Variants in IL7 observed in about 807,000 individuals in gnomAD.
IL7 encodes interleukin-7.
In IL7, 3 loss-of-function variants were observed where a neutral mutation model predicts 21.6. The observed-to-expected ratio is 0.14, with a 90% CI of 0.06 to 0.36. The LOEUF is 0.36. Ranked by LOEUF, IL7 falls within the 10% of genes least tolerant of loss-of-function variation. The pLI, the probability that IL7 is intolerant of heterozygous loss-of-function variation, is 1.00. For missense variants in IL7, 175 were observed against 200.2 expected (o/e 0.87, Z 0.76); for synonymous variants, 62 against 68.1 (o/e 0.91, Z 0.44).
chr8:78,756,118 G>A (rs1419206212), intron 2 of IL7, among the ~76,000 whole-genome samples: 1 of 151,948 alleles, frequency 6.6e-6, no homozygotes, highest in Non-Finnish European at 1.5e-5. Context: ...CTCTTTTGAA[G>A]TGATGTATCA....
intron 3 of IL7, among the ~76,000 whole-genome samples, chr8:78,703,970 C>T (rs1022110007): frequency 4.6e-5 from 7 of 152,180 alleles, no homozygotes; most frequent in African/African-American, 9.7e-5. Flanking sequence ...TCTTGTAAGG[C>T]AGGTCTGGTG....
chr8:78,804,999 C>G lies in IL7; in HGVS notation c.-77G>C. The G allele has an allele frequency of 6.6e-7, 1 of 1,522,038 alleles. No individual in the cohort carries two copies. The highest frequency in any genetic ancestry group is 9.0e-7 in the Non-Finnish European group (1 of 1,114,360). 94.3% of individuals were successfully genotyped at this position (1,522,038 alleles called of 1,614,324 possible). A position where few individuals can be genotyped will look rare whatever the true frequency, so the allele number is the denominator to read the frequency against. On this transcript the variant is annotated 5_prime_UTR_variant, in exon 1 of 6. Transcript: ENST00000263851. ...AGCTCTCACCGCCCATAGTCACTCC[C>G]AGGACCCTGGTCTTCCGCGGAGTTG... is the stretch of plus-strand genomic sequence containing the variant.
At chr8:78,701,278 A>C (rs1442851799) in intron 3 of IL7, among the ~76,000 whole-genome samples, 4 of 151,986 alleles carry the variant, frequency 2.6e-5, no homozygotes, top group South Asian at 4.2e-4. Context: ...TTTGTTCCTG[A>C]TTTGGCTCTC....
chr8:78,762,381 G>C lies in IL7; in HGVS notation c.148-22299C>G, dbSNP rs568416077. On this transcript the variant is annotated intron_variant, in intron 2 of 5. Coordinates refer to ENST00000263851, the MANE Select transcript of IL7 (RefSeq NM_000880.4). The stretch of plus-strand genomic sequence containing the variant: ...AAGCTGAAGAAGGCCAAGTCAAGTC[G>C]GACTGCGTGCTCTTCCGCGTGCAGT... The C allele has an allele frequency of 2.4e-5, 38 of 1,612,292 alleles. No individual in the cohort carries two copies. In the East Asian group the frequency reaches 7.4e-4, roughly 31 times the overall value.
At chr8:78,799,873 A>T (rs1008491580) in intron 1 of IL7, among the ~76,000 whole-genome samples, 2 of 152,140 alleles carry the variant, frequency 1.3e-5, no homozygotes, top group Non-Finnish European at 2.9e-5. Context: ...AAAGATCCTC[A>T]GTGATCAATT....
At chr8:78,686,409 A>G (rs567013940) in intron 3 of IL7, 6 of 1,235,556 alleles carry the variant, frequency 4.9e-6, no homozygotes, top group East Asian at 5.9e-5. Context: ...TTTTATTTCA[A>G]TATACTAAAA....
downstream of IL7, among the ~76,000 whole-genome samples, chr8:78,716,588 C>G (rs937797786): frequency 6.6e-6 from 1 of 152,054 alleles, no homozygotes; most frequent in Non-Finnish European, 1.5e-5. Context: ...GACTTGAAAC[C>G]TAAGGATCTC....
chr8:78,716,032 T>TC (rs1172954082), downstream of IL7, among the ~76,000 whole-genome samples: 4 of 128,120 alleles, frequency 3.1e-5, 1 homozygote, highest in East Asian at 9.4e-4. Flanking sequence ...AGAGCGAGAC[T>TC]CCATCTCAAA....
chr8:78,689,268 A>G, intron 3 of IL7: 1 of 1,593,010 alleles, frequency 6.3e-7, no homozygotes, highest in Non-Finnish European at 8.5e-7. Context: ...ATGAAAATGC[A>G]GCTGATAGAC....
At chr8:78,759,956 A>G (rs1812492301) in intron 2 of IL7, among the ~76,000 whole-genome samples, 1 of 152,192 alleles carries the variant, frequency 6.6e-6, no homozygotes, top group Non-Finnish European at 1.5e-5. Context: ...CTCTTCTGGA[A>G]GAACAGGTAG....
intron 1 of IL7, among the ~76,000 whole-genome samples, chr8:78,802,494 G>A (rs924814533): frequency 1.3e-5 from 2 of 150,734 alleles, no homozygotes; most frequent in Admixed American, 6.6e-5. Context: ...GCAATGGTGC[G>A]ATCACGGCTC....
At chr8:78,717,381 A>G (rs1811140782), downstream of IL7, 1 of 1,613,782 alleles carries the variant, frequency 6.2e-7, no homozygotes, top group African/African-American at 1.3e-5. Context: ...AAAGGCATTG[A>G]AGGACATTCA....
chr8:78,678,610 G>C, intron 4 of IL7: 2 of 1,612,436 alleles, frequency 1.2e-6, no homozygotes, highest in Non-Finnish European at 1.7e-6. Flanking sequence ...AAAAACGGAA[G>C]ACTTTTGATT....
Position 78,739,995 on chromosome 8 carries a change from T to C in IL7, c.228+7A>G. 1 of 1,519,378 alleles carries C rather than the reference T, an allele frequency of 6.6e-7. No individual in the cohort carries two copies. Among genetic ancestry groups the C allele is most frequent in the Non-Finnish European group, 8.8e-7 (1 of 1,142,338 alleles). 94.1% of individuals were successfully genotyped at this position (1,519,378 alleles called of 1,614,324 possible). A position where few individuals can be genotyped will look rare whatever the true frequency, so the allele number is the denominator to read the frequency against. On this transcript the variant is annotated splice_region_variant and intron_variant, in intron 3 of 5. Coordinates refer to ENST00000263851, the MANE Select transcript of IL7 (RefSeq NM_000880.4). ...TTGAATGACAAACTCCAAATAATTA[T>C]CATTACCTTATTAGCATCACAGATA...
intron 2 of IL7, among the ~76,000 whole-genome samples, chr8:78,789,030 A>G (rs550730889): frequency 6.6e-6 from 1 of 152,272 alleles, no homozygotes; most frequent in African/African-American, 2.4e-5. Context: ...ACTGAAATGA[A>G]TATAGCTACT....
chr8:78,769,845 C>A (rs779711499), intron 2 of IL7, among the ~76,000 whole-genome samples: 2 of 152,048 alleles, frequency 1.3e-5, no homozygotes. Flanking sequence ...AGATATAGAC[C>A]AATGGAACAG....
chr8:78,791,419 C>T (rs1813690560), intron 2 of IL7, among the ~76,000 whole-genome samples: 1 of 152,140 alleles, frequency 6.6e-6, no homozygotes, highest in South Asian at 2.1e-4. Flanking sequence ...GCAGGCAGAT[C>T]ACTTGAGGTC....
At chr8:78,686,650 AAAT>A (rs760349715) in intron 3 of IL7, 3 of 1,418,794 alleles carry the variant, frequency 2.1e-6, no homozygotes, top group Admixed American at 5.3e-5. Flanking sequence ...TGTGGAAAGA[AAAT>A]AATGATAGAG....
chr8:78,766,776 CTGTA>C (rs1387376234), intron 2 of IL7, among the ~76,000 whole-genome samples: 1 of 152,128 alleles, frequency 6.6e-6, no homozygotes, highest in East Asian at 1.9e-4. Flanking sequence ...GTATGTGTAT[CTGTA>C]TGTGTTTGTT....
Sources: gnomAD v4.1 joint callset for allele counts (sites outside exome capture counted in the v4.1 genomes callset) on GRCh38, gnomAD v4.1.1 for gene constraint, MANE v1.5 for transcripts, NCBI Gene and HGNC (gene_info 2026-07-23, HGNC 2026-07-21) for gene names.